DYTN: variants seen among roughly 807,000 people sequenced by gnomAD.
DYTN encodes the protein dystrotelin.
A neutral mutation model predicts 69.6 loss-of-function variants in DYTN; 75 were observed. The observed-to-expected ratio is 1.08, with a 90% CI of 0.89 to 1.31. The LOEUF is 1.31. DYTN is among the 50% of genes most tolerant of loss of function. The pLI is 0.00. For synonymous variants in DYTN, 252 were observed against 249.1 expected (o/e 1.01, Z -0.11); for missense variants, 726 against 688.4 (o/e 1.05, Z -0.61).
At chr2:206,654,832 T>C (rs1013277153) in intron 11 of DYTN, among the ~76,000 whole-genome samples, 22 of 152,222 alleles carry the variant, frequency 1.4e-4, no homozygotes, top group African/African-American at 5.1e-4. Context: ...GTGATGGTTC[T>C]AGATGGGGAA....
At chr2:206,681,007 G>A (rs1427592723) in intron 9 of DYTN, among the ~76,000 whole-genome samples, 1 of 152,178 alleles carries the variant, frequency 6.6e-6, no homozygotes. Flanking sequence ...TTCTATTCAT[G>A]AGGATGGAAT....
intron 11 of DYTN, among the ~76,000 whole-genome samples, chr2:206,653,978 T>A (rs891069259): frequency 6.6e-6 from 1 of 152,228 alleles, no homozygotes; most frequent in Non-Finnish European, 1.5e-5. Flanking sequence ...AATGCCAGAA[T>A]GTTTTAAAAA....
chr2:206,656,816 G>A (rs1699455105), intron 11 of DYTN, among the ~76,000 whole-genome samples: 2 of 149,126 alleles, frequency 1.3e-5, no homozygotes, highest in South Asian at 4.2e-4. Flanking sequence ...AGGCTGGAGT[G>A]CAATGGCATG....
chr2:206,675,145 G>GTGTGTGTATA lies in DYTN; in HGVS notation c.981-9117_981-9116insTATACACACA, dbSNP rs1415225495. On this transcript the variant is annotated intron_variant, in intron 9 of 11. Transcript: ENST00000452335. ...TGTGTGTGTGTGTGTGTGTGTGTGT[G>GTGTGTGTATA]TATATATGTGTATATATATTTAAAT... is the stretch of plus-strand genomic sequence containing the variant. Among the ~76,000 whole-genome samples the GTGTGTGTATA allele has an allele frequency of 3.7e-4, 44 of 120,422 alleles. 1 individual carries two copies. Among genetic ancestry groups the GTGTGTGTATA allele is most frequent in the African/African-American group, 1.3e-3 (38 of 29,698 alleles). 79.0% of individuals were successfully genotyped at this position (120,422 alleles called of 152,430 possible). A position where few individuals can be genotyped will look rare whatever the true frequency, so the allele number is the denominator to read the frequency against.
At chr2:206,661,664 C>T (rs1057259175) in intron 11 of DYTN, among the ~76,000 whole-genome samples, 2 of 151,922 alleles carry the variant, frequency 1.3e-5, no homozygotes, top group African/African-American at 2.4e-5. Flanking sequence ...TTTCTTTTTT[C>T]GAGCTTTATT....
rs1399827352 is a variant in DYTN, at chr2:206,694,873, G to A, written c.724C>T (p.Arg242Cys). 7 of 1,583,936 alleles carry A rather than the reference G, an allele frequency of 4.4e-6. No individual in the cohort carries two copies. The highest frequency in any genetic ancestry group is 4.5e-5 in the East Asian group (2 of 44,308). Residue 242 changes from arginine to cysteine, a missense_variant, in exon 8 of 12, where the codon CGC becomes TGC. Coordinates refer to ENST00000452335, the MANE Select transcript of DYTN (RefSeq NM_001093730.1). ...RTFPITGLRYRCLKCLNFDIC... is the reference protein window; with the variant it reads ...RTFPITGLRYCCLKCLNFDIC... ...TCAAAGTTGAGACACTTCAGACAGC[G>A]GTATCTGCCAGTTAAAATAGAAGCA... is the stretch of plus-strand genomic sequence containing the variant.
In DYTN at chr2:206,694,664, A is replaced by G. The variant is rs1008098528; in HGVS notation, c.831+102T>C. On this transcript the variant is annotated intron_variant, in intron 8 of 11. Coordinates refer to ENST00000452335, the MANE Select transcript of DYTN (RefSeq NM_001093730.1). ...AGTCTTAAATATTGCAATGTATGACAGGAGCAGAATCTGTGGTTTCACTGG... is the reference window on the plus strand; with the variant it reads ...AGTCTTAAATATTGCAATGTATGACGGGAGCAGAATCTGTGGTTTCACTGG... The G allele has an allele frequency of 4.0e-5, 35 of 871,520 alleles. No individual in the cohort carries two copies. The African/African-American group carries it at 5.7e-4, about 14-fold the overall frequency. 54.0% of individuals were successfully genotyped at this position (871,520 alleles called of 1,614,324 possible). A position where few individuals can be genotyped will look rare whatever the true frequency, so the allele number is the denominator to read the frequency against.
intron 4 of DYTN, among the ~76,000 whole-genome samples, chr2:206,705,231 G>A (rs993384168): frequency 6.6e-6 from 1 of 152,154 alleles, no homozygotes; most frequent in African/African-American, 2.4e-5. Flanking sequence ...AGAGTAGCTG[G>A]GATTACAGGC....
intron 7 of DYTN, among the ~76,000 whole-genome samples, chr2:206,697,957 A>C (rs192472016): frequency 1.3e-5 from 2 of 152,324 alleles, no homozygotes; most frequent in Admixed American, 1.3e-4. Flanking sequence ...TGTTATACAT[A>C]ATAATTTTGA....
chr2:206,666,107 C>T, intron 9 of DYTN, 78 bp from the exon 10 acceptor site: 2 of 1,511,284 alleles, frequency 1.3e-6, no homozygotes, highest in South Asian at 1.3e-5. Context: ...AAGATGTATT[C>T]CGGTCCTTTT....
intron 7 of DYTN, among the ~76,000 whole-genome samples, chr2:206,698,893 T>C (rs1308909061): frequency 1.3e-5 from 2 of 152,228 alleles, no homozygotes; most frequent in East Asian, 3.9e-4. Context: ...CAGCGGAGCA[T>C]CATGGCTGCA....
chr2:206,697,104 T>C (rs1387199232), intron 7 of DYTN, among the ~76,000 whole-genome samples: 1 of 152,228 alleles, frequency 6.6e-6, no homozygotes, highest in Admixed American at 6.5e-5. Flanking sequence ...GAGTCATCCA[T>C]GCTGGCTGCT....
At position 206,655,639 on chromosome 2, in the gene DYTN, G is replaced by T. The variant is rs1480193105; in HGVS notation, c.1634-3718C>A. ...GGGTCTTGACAAGTTGCTCAGGCTGGTCTCAAACTCTTGGCCTCAATTGGT... is the reference window on the plus strand; with the variant it reads ...GGGTCTTGACAAGTTGCTCAGGCTGTTCTCAAACTCTTGGCCTCAATTGGT... On this transcript the variant is annotated intron_variant, in intron 11 of 11. Coordinates refer to ENST00000452335, the MANE Select transcript of DYTN (RefSeq NM_001093730.1). Among the ~76,000 whole-genome samples, 3 of 150,160 alleles carry T rather than the reference G, an allele frequency of 2.0e-5. No individual in the cohort carries two copies. In the East Asian group the frequency reaches 5.8e-4, roughly 29 times the overall value.
chr2:206,659,458 G>A (rs1574585755), intron 11 of DYTN, among the ~76,000 whole-genome samples: 1 of 118,628 alleles, frequency 8.4e-6, no homozygotes, highest in Admixed American at 1.1e-4. Flanking sequence ...ACAGGCATGA[G>A]CCACCACGCC....
At chr2:206,702,437 T>A (rs1699985335) in intron 5 of DYTN, among the ~76,000 whole-genome samples, 2 of 152,212 alleles carry the variant, frequency 1.3e-5, no homozygotes, top group African/African-American at 4.8e-5. Context: ...TGCTGACAAT[T>A]AGCCAGGCAG....
At chr2:206,677,102 A>G (rs1483220602) in intron 9 of DYTN, among the ~76,000 whole-genome samples, 1 of 152,038 alleles carries the variant, frequency 6.6e-6, no homozygotes, top group East Asian at 1.9e-4. Context: ...GTGTGCCACC[A>G]CGCCTGGCTA....
At chr2:206,653,107 G>A (rs185745490) in intron 11 of DYTN, among the ~76,000 whole-genome samples, 6 of 152,092 alleles carry the variant, frequency 3.9e-5, no homozygotes, top group Non-Finnish European at 1.5e-5. Context: ...CTCCAATACC[G>A]CTCCAGAGGA....
rs998411618 is a variant in DYTN, at chr2:206,651,914, C to T, written c.1641G>A (p.Glu547=). 1 of 1,611,654 alleles carries T rather than the reference C, an allele frequency of 6.2e-7. No individual in the cohort carries two copies. The highest frequency in any genetic ancestry group is 8.5e-7 in the Non-Finnish European group (1 of 1,178,676). Residue 547 remains glutamate, a synonymous_variant, in exon 12 of 12, where the codon GAG becomes GAA. Coordinates refer to ENST00000452335, the MANE Select transcript of DYTN (RefSeq NM_001093730.1). The stretch of plus-strand genomic sequence containing the variant: ...TGTACAGGTCCATGTTTACTGAAGA[C>T]TCCGGGCCTGAAATCAACAAACAAG... ...AFNLETPSGP[E]SSVNMDLYSG...
At chr2:206,700,572 T>C (rs1271993508) in intron 5 of DYTN, among the ~76,000 whole-genome samples, 1 of 151,480 alleles carries the variant, frequency 6.6e-6, no homozygotes, top group Non-Finnish European at 1.5e-5. Flanking sequence ...TAATACTGTC[T>C]TAAAGTTTAG....
Sources: allele counts gnomAD v4.1 joint callset (sites outside exome capture counted in the v4.1 genomes callset), GRCh38; gene constraint gnomAD v4.1.1; transcripts MANE v1.5; gene names NCBI Gene and HGNC (gene_info 2026-07-23, HGNC 2026-07-21).